PCDH9: variants seen among roughly 807,000 people sequenced by gnomAD.
PCDH9 encodes the protein protocadherin 9, also known as protocadherin-9.
In PCDH9, 24 loss-of-function variants were observed where a neutral mutation model predicts 70.6. The observed-to-expected ratio is 0.34, with a 90% CI of 0.25 to 0.48. The LOEUF is 0.48. Among genes scored for constraint, PCDH9 ranks in the 20% least tolerant of loss-of-function variants. PCDH9 has a pLI of 0.99. For missense variants in PCDH9, 1,281 were observed against 1,503.6 expected (o/e 0.85, Z 2.45); for synonymous variants, 562 against 558.5 (o/e 1.01, Z -0.09).
At position 66,413,296 on chromosome 13, in the gene PCDH9, A is replaced by AT. The variant is rs576204073; in HGVS notation, c.3341-108269dup. 2.4e-3 allele frequency among the ~76,000 whole-genome samples: 365 copies of AT among 152,312 alleles called. 2 individuals carry two copies. The highest frequency in any genetic ancestry group is 8.6e-3 in the African/African-American group (357 of 41,570). On this transcript the variant is annotated intron_variant, in intron 4 of 4. Coordinates refer to ENST00000377865, the MANE Select transcript of PCDH9 (RefSeq NM_203487.3). ...TAATAGCTTTATAATTAAGACATGT[A>AT]TTTTTCTATGAATCTCCCTATACCC...
intron 4 of PCDH9, among the ~76,000 whole-genome samples, chr13:66,411,312 G>A (rs1419768624): frequency 3.3e-5 from 5 of 152,182 alleles, no homozygotes; most frequent in African/African-American, 7.2e-5. Flanking sequence ...TAATTTTGAA[G>A]ATTTTGAAGA....
chr13:66,480,353 A>G (rs1201263876), intron 4 of PCDH9, among the ~76,000 whole-genome samples: 1 of 152,194 alleles, frequency 6.6e-6, no homozygotes, highest in Admixed American at 6.5e-5. Context: ...GATGGAATCT[A>G]CTCCTGGTGA....
chr13:66,935,316 A>G (rs2082898511), intron 2 of PCDH9, among the ~76,000 whole-genome samples: 1 of 152,082 alleles, frequency 6.6e-6, no homozygotes, highest in Non-Finnish European at 1.5e-5. Context: ...TCAGCCTCTT[A>G]AAATGCTGGG....
chr13:66,989,250 T>C (rs947697252), intron 2 of PCDH9, among the ~76,000 whole-genome samples: 2 of 151,994 alleles, frequency 1.3e-5, no homozygotes, highest in African/African-American at 4.8e-5. Context: ...AGTCATTTTA[T>C]AGATAAGTTT....
intron 4 of PCDH9, among the ~76,000 whole-genome samples, chr13:66,462,634 A>T (rs770857516): frequency 5.3e-5 from 8 of 151,878 alleles, no homozygotes; most frequent in Non-Finnish European, 1.2e-4. Context: ...GCTTTGAAAC[A>T]TTAAAAAGAT....
At chr13:66,921,657 T>TA (rs973066644) in intron 2 of PCDH9, among the ~76,000 whole-genome samples, 6 of 151,066 alleles carry the variant, frequency 4.0e-5, no homozygotes, top group Non-Finnish European at 7.4e-5. Flanking sequence ...ACTGGGAGCA[T>TA]AAAAAAAGAC....
intron 4 of PCDH9, among the ~76,000 whole-genome samples, chr13:66,486,191 C>T (rs1483664073): frequency 1.3e-5 from 2 of 151,712 alleles, no homozygotes; most frequent in Non-Finnish European, 2.9e-5. Flanking sequence ...CCTGTAATCC[C>T]AACATTTTGG....
intron 3 of PCDH9, among the ~76,000 whole-genome samples, chr13:66,765,560 T>G (rs2079702342): frequency 6.6e-6 from 1 of 152,062 alleles, no homozygotes; most frequent in Admixed American, 6.6e-5. Context: ...CATGTGATGT[T>G]CTTCATGGTT....
intron 2 of PCDH9, among the ~76,000 whole-genome samples, chr13:66,961,661 T>A (rs1051550959): frequency 1.3e-5 from 2 of 151,950 alleles, no homozygotes; most frequent in African/African-American, 4.8e-5. Flanking sequence ...GTTAACCCAA[T>A]GTAAGGCTGC....
intron 2 of PCDH9, among the ~76,000 whole-genome samples, chr13:67,009,884 C>T (rs2084421942): frequency 6.6e-6 from 1 of 151,752 alleles, no homozygotes; most frequent in South Asian, 2.1e-4. Context: ...AAACACTATA[C>T]ATTGGAATTT....
intron 4 of PCDH9, among the ~76,000 whole-genome samples, chr13:66,409,811 A>T (rs1313849693): frequency 6.6e-6 from 1 of 152,236 alleles, no homozygotes; most frequent in African/African-American, 2.4e-5. Flanking sequence ...ATTCAACAAC[A>T]TCAGTACCTA....
intron 3 of PCDH9, among the ~76,000 whole-genome samples, chr13:66,760,836 G>A (rs2079615209): frequency 6.6e-6 from 1 of 152,196 alleles, no homozygotes; most frequent in Middle Eastern, 3.4e-3. Flanking sequence ...TGGCTGCTCT[G>A]GGAGTGTCTA....
intron 3 of PCDH9, among the ~76,000 whole-genome samples, chr13:66,889,598 T>C (rs557763107): frequency 2.0e-5 from 3 of 152,254 alleles, no homozygotes; most frequent in African/African-American, 7.2e-5. Flanking sequence ...GAGATCTTGG[T>C]TCCCTGCTCC....
chr13:66,926,828 T>C (rs1473151387), intron 2 of PCDH9, among the ~76,000 whole-genome samples: 2 of 151,658 alleles, frequency 1.3e-5, no homozygotes, highest in Admixed American at 1.3e-4. Context: ...TGAGCTTACA[T>C]TCTTTTAGGG....
intron 4 of PCDH9, among the ~76,000 whole-genome samples, chr13:66,600,829 G>T (rs1337008519): frequency 2.8e-5 from 4 of 141,904 alleles, no homozygotes; most frequent in African/African-American, 1.0e-4. Context: ...TGTTATAATT[G>T]TTTTTTCCCC....
chr13:67,043,409 C>T lies in PCDH9; in HGVS notation c.3037-139804G>A, dbSNP rs190464083. 2.0e-5 allele frequency among the ~76,000 whole-genome samples: 3 copies of T among 151,962 alleles called. No homozygotes were observed. In the East Asian group the frequency reaches 5.8e-4, roughly 29 times the overall value. ...GTTTGAATAAGGAAGATGTAGTGATCGGTGGGATGTGAAAAGGAAAGGGGA... is the reference window on the plus strand; with the variant it reads ...GTTTGAATAAGGAAGATGTAGTGATTGGTGGGATGTGAAAAGGAAAGGGGA... On this transcript the variant is annotated intron_variant, in intron 2 of 4. Coordinates refer to ENST00000377865, the MANE Select transcript of PCDH9 (RefSeq NM_203487.3).
At chr13:67,129,953 T>G (rs2087071053) in intron 2 of PCDH9, among the ~76,000 whole-genome samples, 1 of 152,134 alleles carries the variant, frequency 6.6e-6, no homozygotes, top group Admixed American at 6.6e-5. Flanking sequence ...GCATGAGAGT[T>G]AGACTTGGGA....
chr13:66,445,964 T>C (rs1205728873), intron 4 of PCDH9, among the ~76,000 whole-genome samples: 2 of 151,738 alleles, frequency 1.3e-5, no homozygotes, highest in African/African-American at 2.4e-5. Context: ...CAAAATGGAA[T>C]GTCATAACTT....
chr13:66,444,052 A>G (rs1001544514), intron 4 of PCDH9, among the ~76,000 whole-genome samples: 1 of 152,132 alleles, frequency 6.6e-6, no homozygotes, highest in Non-Finnish European at 1.5e-5. Flanking sequence ...ATCCCTGGCT[A>G]GTTCAAGACT....
Sources: allele counts gnomAD v4.1 joint callset (sites outside exome capture counted in the v4.1 genomes callset), GRCh38; gene constraint gnomAD v4.1.1; transcripts MANE v1.5; gene names NCBI Gene and HGNC (gene_info 2026-07-23, HGNC 2026-07-21).